Variants in MICU1 observed in about 807,000 individuals in gnomAD.
The protein encoded by MICU1 is calcium uptake protein 1, mitochondrial.
MICU1 carries 45 observed loss-of-function variants against 56.8 expected under a neutral mutation model. The observed-to-expected ratio is 0.79, with a 90% CI of 0.62 to 1.02. MICU1 has a LOEUF of 1.02. Ranked by LOEUF, MICU1 falls within the 50% of genes least tolerant of loss-of-function variation. The pLI, the probability that MICU1 is intolerant of heterozygous loss-of-function variation, is 0.00. For missense variants in MICU1, 504 were observed against 587.1 expected (o/e 0.86, Z 1.46); for synonymous variants, 186 against 195.1 (o/e 0.95, Z 0.39).
At chr10:72,582,185 T>A (rs141053657) in intron 1 of MICU1, among the ~76,000 whole-genome samples, 2,263 of 152,288 alleles carry the variant, frequency 0.015, 47 homozygotes, top group African/African-American at 0.048. Flanking sequence ...TGCCTCAGCC[T>A]CCCAAAGTGC....
At chr10:72,447,594 A>G (rs1865144532) in intron 8 of MICU1, among the ~76,000 whole-genome samples, 2 of 152,200 alleles carry the variant, frequency 1.3e-5, no homozygotes, top group Admixed American at 6.6e-5. Context: ...TGTTAAAAAT[A>G]GTTACTACTT....
rs774161227 is a variant in MICU1, at chr10:72,508,272, A to G, written c.538-3T>C. 26 of 1,441,566 alleles carry G rather than the reference A, an allele frequency of 1.8e-5. No individual in the cohort carries two copies. Among genetic ancestry groups the G allele is most frequent in the Admixed American group, 7.4e-5 (4 of 53,826 alleles). 89.3% of individuals were successfully genotyped at this position (1,441,566 alleles called of 1,614,324 possible). A position where few individuals can be genotyped will look rare whatever the true frequency, so the allele number is the denominator to read the frequency against. ...TTTTCTCGTTCCTGGGAAATTTTCT[A>G]TAGAATGTATGGGTCCCACCAAAAG... On this transcript the variant is annotated splice_polypyrimidine_tract_variant and splice_region_variant and intron_variant, in intron 5 of 11. Transcript: ENST00000361114.
intron 1 of MICU1, chr10:72,582,913 G>A (rs1840940759): frequency 1.3e-5 from 2 of 152,006 alleles, no homozygotes; most frequent in South Asian, 2.1e-4. Flanking sequence ...ACCATCGAGT[G>A]TCCACAATAA....
intron 6 of MICU1, among the ~76,000 whole-genome samples, chr10:72,491,507 C>T (rs1231323941): frequency 6.6e-6 from 1 of 152,108 alleles, no homozygotes; most frequent in Non-Finnish European, 1.5e-5. Flanking sequence ...CAAGTGAGCA[C>T]AGAAAGACTA....
At chr10:72,443,391 A>T (rs1309345176) in intron 8 of MICU1, among the ~76,000 whole-genome samples, 1 of 152,056 alleles carries the variant, frequency 6.6e-6, no homozygotes. Flanking sequence ...CCCATTTGTC[A>T]ATTTTGGCTT....
chr10:72,479,090 C>T (rs533005811), intron 6 of MICU1, among the ~76,000 whole-genome samples: 39 of 152,082 alleles, frequency 2.6e-4, no homozygotes, highest in Non-Finnish European at 4.4e-5. Context: ...TATTATTTGA[C>T]TTCATACTCT....
rs1246062078 is a variant in MICU1 at position 72,569,229 on chromosome 10, A to ATT, written c.-1-2436_-1-2435insAA. ...TGCATATATATATATATATATATAT[A>ATT]TATATATATTTTTTTTTTTTTTTGA... On this transcript the variant is annotated intron_variant, in intron 1 of 11. Transcript: ENST00000361114. 5.4e-3 allele frequency among the ~76,000 whole-genome samples: 204 copies of ATT among 37,694 alleles called. 8 individuals carry two copies. The highest frequency in any genetic ancestry group is 0.014 in the African/African-American group (140 of 9,808). The allele number at this position is 37,694 out of a possible 152,430, so 24.7% of individuals were successfully genotyped here.
At chr10:72,467,238 C>A (rs1429442362) in intron 8 of MICU1, among the ~76,000 whole-genome samples, 1 of 152,114 alleles carries the variant, frequency 6.6e-6, no homozygotes, top group East Asian at 1.9e-4. Flanking sequence ...GACTGGAGTA[C>A]AATGGTGCAA....
chr10:72,492,854 C>T (rs1400460758), intron 6 of MICU1, among the ~76,000 whole-genome samples: 5 of 143,098 alleles, frequency 3.5e-5, no homozygotes, highest in African/African-American at 8.0e-5. Flanking sequence ...TGGTGGCTCA[C>T]GCCTGTAATC....
intron 8 of MICU1, among the ~76,000 whole-genome samples, chr10:72,429,474 A>C (rs1323981446): frequency 6.6e-6 from 1 of 151,882 alleles, no homozygotes; most frequent in Non-Finnish European, 1.5e-5. Context: ...AATTTTATTT[A>C]TTATTCAACA....
At chr10:72,396,281 G>A (rs1357969696) in intron 10 of MICU1, among the ~76,000 whole-genome samples, 1 of 152,162 alleles carries the variant, frequency 6.6e-6, no homozygotes, top group East Asian at 1.9e-4. Context: ...CCAGCTGTAG[G>A]TCACCAACAT....
chr10:72,496,177 G>C (rs1866835050), intron 6 of MICU1, among the ~76,000 whole-genome samples: 1 of 152,068 alleles, frequency 6.6e-6, no homozygotes, highest in Non-Finnish European at 1.5e-5. Flanking sequence ...GCCTAGGCTG[G>C]AGTGCAGTGG....
chr10:72,420,079 G>C (rs1446022530), intron 9 of MICU1, among the ~76,000 whole-genome samples: 1 of 151,942 alleles, frequency 6.6e-6, no homozygotes, highest in African/African-American at 2.4e-5. Flanking sequence ...TTTTTTTTAA[G>C]ACGGAGTTTC....
At chr10:72,385,671 T>C (rs1338030940) in intron 10 of MICU1, among the ~76,000 whole-genome samples, 1 of 152,216 alleles carries the variant, frequency 6.6e-6, no homozygotes, top group African/African-American at 2.4e-5. Context: ...AATTCTGACG[T>C]GCCCCCCGCC....
At chr10:72,571,896 A>C (rs1387969743) in intron 1 of MICU1, among the ~76,000 whole-genome samples, 1 of 152,174 alleles carries the variant, frequency 6.6e-6, no homozygotes, top group Non-Finnish European at 1.5e-5. Context: ...TCTAAAAAAA[A>C]AATAATGATA....
At chr10:72,387,681 T>G (rs1277431572) in intron 10 of MICU1, among the ~76,000 whole-genome samples, 1 of 150,598 alleles carries the variant, frequency 6.6e-6, no homozygotes, top group African/African-American at 2.4e-5. Flanking sequence ...ATAAACAACT[T>G]AGAACTTCTA....
At chr10:72,471,571 GT>G (rs1220885383) in intron 8 of MICU1, among the ~76,000 whole-genome samples, 1 of 137,006 alleles carries the variant, frequency 7.3e-6, no homozygotes, top group African/African-American at 2.4e-5. Context: ...AAGTTTTTTT[GT>G]TTGTTTTTAT....
At chr10:72,536,747 A>G (rs1394182076) in intron 4 of MICU1, among the ~76,000 whole-genome samples, 2 of 152,246 alleles carry the variant, frequency 1.3e-5, no homozygotes, top group Non-Finnish European at 2.9e-5. Context: ...TATCATTTTA[A>G]GTAGTAATCA....
At chr10:72,451,344 A>G (rs1358335786) in intron 8 of MICU1, among the ~76,000 whole-genome samples, 1 of 152,062 alleles carries the variant, frequency 6.6e-6, no homozygotes, top group Non-Finnish European at 1.5e-5. Flanking sequence ...ATTGTTTTTA[A>G]TATCATCTCT....
Sources: allele counts gnomAD v4.1 joint callset (sites outside exome capture counted in the v4.1 genomes callset), GRCh38; gene constraint gnomAD v4.1.1; transcripts MANE v1.5; gene names NCBI Gene and HGNC (gene_info 2026-07-23, HGNC 2026-07-21).